Variants in GRIK4 observed in about 807,000 individuals in gnomAD.
GRIK4 encodes glutamate ionotropic receptor kainate type subunit 4.
In GRIK4, 40 loss-of-function variants were observed where a neutral mutation model predicts 104.9. The ratio of observed to expected loss-of-function variants is 0.38; its 90% CI spans 0.30 to 0.50. The LOEUF (loss-of-function observed/expected upper bound fraction) is 0.50, where lower values mean the gene tolerates loss of function less well. Ranked by LOEUF, GRIK4 falls within the 20% of genes least tolerant of loss-of-function variation. The pLI, the probability that GRIK4 is intolerant of heterozygous loss-of-function variation, is 0.93. For missense variants in GRIK4, 1,047 were observed against 1,308.1 expected (o/e 0.80, Z 3.08); for synonymous variants, 485 against 524.9 (o/e 0.92, Z 1.04).
At chr11:120,827,135 G>T (rs77223730) in intron 6 of GRIK4, among the ~76,000 whole-genome samples, 2 of 152,190 alleles carry the variant, frequency 1.3e-5, no homozygotes, top group African/African-American at 4.8e-5. Flanking sequence ...AGGGAAGGAA[G>T]CTTGTTGAAA....
intron 13 of GRIK4, among the ~76,000 whole-genome samples, chr11:120,911,870 G>T (rs2134533576): frequency 6.6e-6 from 1 of 150,816 alleles, no homozygotes; most frequent in South Asian, 2.1e-4. Context: ...AAAAGAAAAG[G>T]TTTTTCTCTT....
At chr11:120,781,721 C>A (rs1422382702) in intron 3 of GRIK4, among the ~76,000 whole-genome samples, 1 of 152,136 alleles carries the variant, frequency 6.6e-6, no homozygotes, top group South Asian at 2.1e-4. Context: ...GGGATGCAAG[C>A]GGATGAAGCT....
chr11:120,724,540 C>A (rs928487514), intron 3 of GRIK4, among the ~76,000 whole-genome samples: 1 of 152,060 alleles, frequency 6.6e-6, no homozygotes, highest in Non-Finnish European at 1.5e-5. Flanking sequence ...TGAATGTGCC[C>A]GGCCTGGTAC....
intron 3 of GRIK4, among the ~76,000 whole-genome samples, chr11:120,700,749 G>A (rs993793682): frequency 6.6e-6 from 1 of 152,076 alleles, no homozygotes; most frequent in Admixed American, 6.6e-5. Flanking sequence ...GAGCCACTGC[G>A]CCTGGCCAAT....
intron 6 of GRIK4, among the ~76,000 whole-genome samples, chr11:120,830,776 C>T (rs1180361557): frequency 1.3e-5 from 2 of 152,120 alleles, no homozygotes; most frequent in East Asian, 3.8e-4. Context: ...AAATGTTGCC[C>T]TTATCATTGC....
intron 2 of GRIK4, among the ~76,000 whole-genome samples, chr11:120,656,194 GTC>G (rs1196185933): frequency 2.0e-5 from 3 of 152,164 alleles, no homozygotes; most frequent in Admixed American, 6.5e-5. Context: ...GACCCCAAAT[GTC>G]TTTGTGTTTT....
intron 3 of GRIK4, among the ~76,000 whole-genome samples, chr11:120,705,602 T>C (rs778908336): frequency 5.3e-5 from 8 of 152,132 alleles, no homozygotes; most frequent in Non-Finnish European, 1.0e-4. Flanking sequence ...CTTTGGGGAG[T>C]ATCGCCATCA....
intron 3 of GRIK4, among the ~76,000 whole-genome samples, chr11:120,748,766 A>C (rs1392573726): frequency 1.3e-5 from 2 of 152,184 alleles, no homozygotes; most frequent in Non-Finnish European, 2.9e-5. Context: ...GAAAAAGATA[A>C]GGTTTCTATT....
At chr11:120,741,086 C>T (rs934172678) in intron 3 of GRIK4, among the ~76,000 whole-genome samples, 3 of 152,070 alleles carry the variant, frequency 2.0e-5, no homozygotes, top group Non-Finnish European at 2.9e-5. Flanking sequence ...CTCTCTCGTT[C>T]GTGTAATTGC....
chr11:120,785,520 T>C (rs1952249768), intron 3 of GRIK4, among the ~76,000 whole-genome samples: 1 of 152,210 alleles, frequency 6.6e-6, no homozygotes, highest in Admixed American at 6.5e-5. Flanking sequence ...ACTCATACAT[T>C]TTGTTCCAGG....
At chr11:120,771,306 A>G (rs1233422333) in intron 3 of GRIK4, among the ~76,000 whole-genome samples, 1 of 152,212 alleles carries the variant, frequency 6.6e-6, no homozygotes, top group Non-Finnish European at 1.5e-5. Flanking sequence ...TTATTGGACA[A>G]TGGAGGAGTG....
At chr11:120,888,716 A>G (rs1955188922) in intron 11 of GRIK4, among the ~76,000 whole-genome samples, 1 of 152,198 alleles carries the variant, frequency 6.6e-6, no homozygotes, top group Admixed American at 6.5e-5. Flanking sequence ...GTCAGGATGC[A>G]CATAAACATC....
chr11:120,909,760 T>C (rs1318796225), intron 13 of GRIK4, among the ~76,000 whole-genome samples: 1 of 152,200 alleles, frequency 6.6e-6, no homozygotes, highest in Non-Finnish European at 1.5e-5. Context: ...TGACTGCCTG[T>C]ATGTCTGAGT....
In GRIK4 at chr11:120,939,341, A is replaced by G. The variant is rs566639440; in HGVS notation, c.1477-1006A>G. Among the ~76,000 whole-genome samples, 17 of 152,320 alleles carry G rather than the reference A, an allele frequency of 1.1e-4. No homozygotes were observed. The highest frequency in any genetic ancestry group is 4.6e-4 in the Admixed American group (7 of 15,298). ...TTTGGAGGCAAGGGGAAAGGAAGGA[A>G]GCCTTTATTGAACAAATGCTGGTTG... On this transcript the variant is annotated intron_variant, in intron 13 of 20. Transcript: ENST00000527524. This position sits in a 1 kb window ranked among gnomAD's most constrained non-coding sequence, Gnocchi z 5.6.
At chr11:120,932,253 C>T (rs1348369314) in intron 13 of GRIK4, among the ~76,000 whole-genome samples, 3 of 151,328 alleles carry the variant, frequency 2.0e-5, no homozygotes, top group Non-Finnish European at 4.4e-5. Context: ...ATTTGTTCAC[C>T]ATAGTATTCC....
chr11:120,772,237 A>C (rs1046820148), intron 3 of GRIK4, among the ~76,000 whole-genome samples: 5 of 152,182 alleles, frequency 3.3e-5, no homozygotes, highest in Non-Finnish European at 5.9e-5. Flanking sequence ...CAAACAAAAA[A>C]CAAAAAAAAC....
At chr11:120,943,152 C>CACACACACACACA (rs1413495598) in intron 14 of GRIK4, among the ~76,000 whole-genome samples, 2,165 of 95,342 alleles carry the variant, frequency 0.023, 64 homozygotes, top group East Asian at 0.032. Context: ...ACACACACAC[C>CACACACACACACA]CCCCTGACTG....
chr11:120,936,215 A>G, intron 13 of GRIK4: 2 of 396,826 alleles, frequency 5.0e-6, no homozygotes, highest in Non-Finnish European at 4.9e-6. Flanking sequence ...CTCCAGCTTC[A>G]CAGCCCTCTT....
In GRIK4 at chr11:120,671,515, G is replaced by A. The variant is rs578098096; in HGVS notation, c.82+11115G>A. On this transcript the variant is annotated intron_variant, in intron 3 of 20. Coordinates refer to ENST00000527524, the MANE Select transcript of GRIK4 (RefSeq NM_014619.5). The stretch of plus-strand genomic sequence containing the variant: ...TTTTTTTCATATGTTTGTTGGCCGC[G>A]TAAATGTCTTCTTTTGCAATATGTC... 8.6e-4 allele frequency among the ~76,000 whole-genome samples: 131 copies of A among 152,216 alleles called. 1 individual carries two copies. Among genetic ancestry groups the A allele is most frequent in the African/African-American group, 1.3e-3 (52 of 41,522 alleles).
Sources: gnomAD v4.1 joint callset for allele counts (sites outside exome capture counted in the v4.1 genomes callset) on GRCh38, gnomAD v4.1.1 for gene constraint, Gnocchi (gnomAD v3.1) non-coding constraint, MANE v1.5 for transcripts, NCBI Gene and HGNC (gene_info 2026-07-23, HGNC 2026-07-21) for gene names.